ELMO1: variants seen among roughly 807,000 people sequenced by gnomAD.
The protein encoded by ELMO1 is engulfment and cell motility protein 1.
A neutral mutation model predicts 98.9 loss-of-function variants in ELMO1; 26 were observed. The ratio of observed to expected loss-of-function variants is 0.26; its 90% confidence interval spans 0.19 to 0.36. The LOEUF is 0.36. Among genes scored for constraint, ELMO1 ranks in the 10% least tolerant of loss-of-function variants. The pLI is 1.00. For synonymous variants in ELMO1, 346 were observed against 346.0 expected, an observed-to-expected ratio of 1.00 and a Z score of 0.00; for missense variants, 627 against 935.2, an observed-to-expected ratio of 0.67 and a Z score of 4.30.
chr7:37,144,819 T>A (rs1267812893), intron 13 of ELMO1, among the ~76,000 whole-genome samples: 1 of 152,152 alleles, frequency 6.6e-6, no homozygotes, highest in Non-Finnish European at 1.5e-5. Flanking sequence ...CTAGTCTGAG[T>A]ATCTAGTTCC....
chr7:37,168,788 G>T (rs948023690), intron 13 of ELMO1, among the ~76,000 whole-genome samples: 3 of 152,216 alleles, frequency 2.0e-5, no homozygotes, highest in Non-Finnish European at 4.4e-5. Context: ...GGGTTCAGGG[G>T]TCAGGGACCC....
intron 4 of ELMO1, among the ~76,000 whole-genome samples, chr7:37,287,958 T>G (rs947972023): frequency 3.3e-5 from 5 of 152,136 alleles, no homozygotes; most frequent in African/African-American, 1.2e-4. Context: ...ACCTTTTTTT[T>G]GTTTATTTGT....
chr7:37,277,842 T>A (rs1308837446), intron 4 of ELMO1, among the ~76,000 whole-genome samples: 1 of 152,240 alleles, frequency 6.6e-6, no homozygotes, highest in Non-Finnish European at 1.5e-5. Flanking sequence ...TTCCTCTGTC[T>A]TTACTGGCAT....
At chr7:36,974,617 T>C (rs955194453) in intron 16 of ELMO1, among the ~76,000 whole-genome samples, 3 of 150,554 alleles carry the variant, frequency 2.0e-5, no homozygotes, top group African/African-American at 7.5e-5. Flanking sequence ...AACAGACCAC[T>C]CGGCTCTACC....
chr7:37,248,175 G>T (rs1339228347), intron 6 of ELMO1, among the ~76,000 whole-genome samples: 2 of 144,170 alleles, frequency 1.4e-5, no homozygotes, highest in East Asian at 4.2e-4. Context: ...TCTGTCTATT[G>T]CCCTAAGTGG....
intron 15 of ELMO1, among the ~76,000 whole-genome samples, chr7:37,081,597 C>T (rs191495605): frequency 1.3e-5 from 2 of 152,164 alleles, no homozygotes; most frequent in African/African-American, 4.8e-5. Flanking sequence ...GCAAGTCTCA[C>T]GAGACAAGGG....
In ELMO1 at chr7:37,371,358, C is replaced by T. The variant is rs1384096808; in HGVS notation, c.-73-28595G>A. ...TAGGCTGCATGATGGGTACATGGAT[C>T]TTCATCTTATAATTCTTCACTAAAC... is the stretch of plus-strand genomic sequence containing the variant. On this transcript the variant is annotated intron_variant, in intron 1 of 21. Transcript: ENST00000310758. 2.0e-5 allele frequency among the ~76,000 whole-genome samples: 3 copies of T among 152,298 alleles called. No homozygotes were observed. In the East Asian group the frequency reaches 5.8e-4, roughly 29 times the overall value.
chr7:37,121,714 C>T (rs576908521), intron 14 of ELMO1, among the ~76,000 whole-genome samples: 6 of 152,194 alleles, frequency 3.9e-5, no homozygotes, highest in Non-Finnish European at 8.8e-5. Flanking sequence ...AGGATATCAT[C>T]CAGGAGAATT....
At chr7:37,332,758 G>C (rs1383559650) in intron 2 of ELMO1, among the ~76,000 whole-genome samples, 1 of 152,236 alleles carries the variant, frequency 6.6e-6, no homozygotes, top group African/African-American at 2.4e-5. Flanking sequence ...ACTGGCAAGA[G>C]CTGGGGGCAG....
chr7:37,088,504 C>T (rs533066925), intron 15 of ELMO1, among the ~76,000 whole-genome samples: 2 of 152,182 alleles, frequency 1.3e-5, no homozygotes, highest in Non-Finnish European at 2.9e-5. Context: ...GTTAACAAAG[C>T]ACTTTAACTA....
intron 15 of ELMO1, among the ~76,000 whole-genome samples, chr7:37,025,895 T>TTCTATCCATCTA (rs1554395454): frequency 1.4e-5 from 2 of 142,920 alleles, no homozygotes; most frequent in African/African-American, 2.6e-5. Context: ...ATATTATATA[T>TTCTATCCATCTA]TCTATCTATC....
At chr7:37,395,008 A>G (rs1342839524) in intron 1 of ELMO1, among the ~76,000 whole-genome samples, 5 of 152,162 alleles carry the variant, frequency 3.3e-5, no homozygotes, top group African/African-American at 1.2e-4. Flanking sequence ...AGTAATTATC[A>G]TAAGCATAGC....
intron 13 of ELMO1, among the ~76,000 whole-genome samples, chr7:37,146,050 T>TA (rs938031222): frequency 3.3e-5 from 5 of 152,140 alleles, no homozygotes; most frequent in East Asian, 3.9e-4. Flanking sequence ...TGGGGAGCTT[T>TA]AAAAAAAATC....
intron 16 of ELMO1, chr7:36,985,047 A>G: frequency 1.0e-6 from 1 of 985,374 alleles, no homozygotes; most frequent in Non-Finnish European, 1.2e-6. Context: ...CTCGTTCCCC[A>G]CGCTGCCCCT....
chr7:36,920,219 T>G (rs1001161567), intron 16 of ELMO1, among the ~76,000 whole-genome samples: 6 of 152,216 alleles, frequency 3.9e-5, no homozygotes, highest in African/African-American at 1.4e-4. Context: ...TAGAAGTCAA[T>G]GAGTATGTGA....
intron 1 of ELMO1, among the ~76,000 whole-genome samples, chr7:37,408,315 G>A (rs10807889): frequency 0.23 from 35,268 of 152,094 alleles, 4,317 homozygotes; most frequent in East Asian, 0.41. Flanking sequence ...CTACCTGATT[G>A]TGCATCACTG....
intron 13 of ELMO1, among the ~76,000 whole-genome samples, chr7:37,169,554 G>GA (rs1790000687): frequency 6.6e-6 from 1 of 152,150 alleles, no homozygotes; most frequent in Non-Finnish European, 1.5e-5. Flanking sequence ...TAGATGTCCT[G>GA]AAAAAAATGT....
chr7:37,194,853 A>T (rs187447336), intron 13 of ELMO1, among the ~76,000 whole-genome samples: 1 of 152,248 alleles, frequency 6.6e-6, no homozygotes, highest in Non-Finnish European at 1.5e-5. Flanking sequence ...TGATTCTCAT[A>T]GCATATATCA....
chr7:36,975,055 G>T (rs1460328097), intron 16 of ELMO1, among the ~76,000 whole-genome samples: 1 of 152,200 alleles, frequency 6.6e-6, no homozygotes, highest in African/African-American at 2.4e-5. Flanking sequence ...GAAGGTCCAC[G>T]GCTTCATTCT....
Sources: gnomAD v4.1 joint callset for allele counts (sites outside exome capture counted in the v4.1 genomes callset) on GRCh38, gnomAD v4.1.1 for gene constraint, MANE v1.5 for transcripts, NCBI Gene and HGNC (gene_info 2026-07-23, HGNC 2026-07-21) for gene names.